The following NDFIP1 variants were observed in gnomAD, a reference collection of about 807,000 sequenced individuals.
NDFIP1 encodes Nedd4 family interacting protein 1.
A neutral mutation model predicts 28.8 loss-of-function variants in NDFIP1; 7 were observed. The ratio of observed to expected loss-of-function variants is 0.24; its 90% CI spans 0.14 to 0.46. The LOEUF (loss-of-function observed/expected upper bound fraction) is 0.46. NDFIP1 is among the 20% of genes least tolerant of loss of function. The probability of loss-of-function intolerance (pLI) is 0.99; values close to 1 mark genes in which losing one functional copy is unlikely to be tolerated. For synonymous variants in NDFIP1, 92 were observed against 101.0 expected, an observed-to-expected ratio of 0.91 and a Z score of 0.53; for missense variants, 194 against 269.1, an observed-to-expected ratio of 0.72 and a Z score of 1.95.
In NDFIP1 at chr5:142,153,549, C is replaced by G. The variant is rs1757469111; in HGVS notation, c.*1821C>G. 1 of 281,502 alleles carries G rather than the reference C, an allele frequency of 3.6e-6. No homozygotes were observed. Among genetic ancestry groups the G allele is most frequent in the Admixed American group, 4.1e-5 (1 of 24,148 alleles). The allele number at this position is 281,502 out of a possible 1,614,324, so 17.4% of individuals were successfully genotyped here. A position where few individuals can be genotyped will look rare whatever the true frequency, so the allele number is the denominator to read the frequency against. On this transcript the variant is annotated 3_prime_UTR_variant, in exon 8 of 8. Transcript: ENST00000253814. Reference sequence around the variant, plus strand: ...ATTATGAATAATAGTGTAGTGTGTTCTTTTTCAGAAGTTATATTTGATAAT... The same window carrying G: ...ATTATGAATAATAGTGTAGTGTGTTGTTTTTCAGAAGTTATATTTGATAAT...
intron 7 of NDFIP1, among the ~76,000 whole-genome samples, chr5:142,150,713 CTT>C (rs1396877835): frequency 8.5e-6 from 1 of 117,146 alleles, no homozygotes; most frequent in Non-Finnish European, 1.7e-5. Context: ...GTGACAGACT[CTT>C]GTCTCCAAAA....
At chr5:142,147,389 C>T (rs1329387931) in intron 7 of NDFIP1, among the ~76,000 whole-genome samples, 3 of 152,144 alleles carry the variant, frequency 2.0e-5, no homozygotes, top group Non-Finnish European at 2.9e-5. Flanking sequence ...AGAAGACATA[C>T]TAGAAAACCG....
chr5:142,117,292 G>A (rs1403615118), intron 1 of NDFIP1, among the ~76,000 whole-genome samples: 1 of 149,158 alleles, frequency 6.7e-6, no homozygotes, highest in African/African-American at 2.5e-5. Context: ...TCGCCAGGCT[G>A]GAGTGCAGTG....
chr5:142,142,938 AAAATATATATAT>A (rs1389103203), intron 6 of NDFIP1: 1 of 81,352 alleles, frequency 1.2e-5, no homozygotes, highest in East Asian at 5.0e-4. Context: ...AAAAAAAAAA[AAAATATATATAT>A]ATATATATAT....
At chr5:142,113,529 G>A (rs759912319) in intron 1 of NDFIP1, among the ~76,000 whole-genome samples, 6 of 151,988 alleles carry the variant, frequency 3.9e-5, no homozygotes, top group Non-Finnish European at 7.4e-5. Context: ...TAGGAAGATG[G>A]GTAAATTATT....
rs766867200 is a variant in NDFIP1, at chr5:142,137,872, C to T, written c.495+14C>T. 21 of 1,612,538 alleles carry T rather than the reference C, an allele frequency of 1.3e-5. No homozygotes were observed. The highest frequency in any genetic ancestry group is 1.7e-4 in the Middle Eastern group (1 of 6,056). On this transcript the variant is annotated intron_variant, in intron 5 of 7. Coordinates refer to ENST00000253814, the MANE Select transcript of NDFIP1 (RefSeq NM_030571.4). ...CTGATTGTCAGGGTAAGTTGTATAA[C>T]AGAAAAGATGGGCTCTACAGAGAGG...
chr5:142,135,445 ATTG>A (rs1757263750), intron 3 of NDFIP1, among the ~76,000 whole-genome samples: 2 of 152,102 alleles, frequency 1.3e-5, no homozygotes, highest in African/African-American at 4.8e-5. Flanking sequence ...CTTGAAGTGT[ATTG>A]TTTTTGAAGT....
chr5:142,150,621 G>A (rs909210259), intron 7 of NDFIP1, among the ~76,000 whole-genome samples: 1 of 151,844 alleles, frequency 6.6e-6, no homozygotes, highest in Non-Finnish European at 1.5e-5. Flanking sequence ...AGTCACTTGC[G>A]GGGCTGAGGC....
chr5:142,136,856 A>G (rs1420623700), intron 4 of NDFIP1, among the ~76,000 whole-genome samples: 1 of 151,308 alleles, frequency 6.6e-6, no homozygotes, highest in Non-Finnish European at 1.5e-5. Context: ...ACCTGGGGCT[A>G]GAGGTTCAAG....
chr5:142,117,247 CTTTT>C (rs11346871), intron 1 of NDFIP1, among the ~76,000 whole-genome samples: 3 of 134,388 alleles, frequency 2.2e-5, no homozygotes, highest in African/African-American at 5.7e-5. Context: ...TCTTTTTTTG[CTTTT>C]TTTTTTTTTT....
At chr5:142,137,543 G>A (rs944726057) in intron 4 of NDFIP1, among the ~76,000 whole-genome samples, 191 bp from the exon 5 acceptor site, 1 of 152,028 alleles carries the variant, frequency 6.6e-6, no homozygotes, top group Admixed American at 6.5e-5. Context: ...CTGATAGGGA[G>A]GAGTTTTTCT....
intron 1 of NDFIP1, among the ~76,000 whole-genome samples, chr5:142,110,617 GA>G (rs958044770): frequency 4.0e-5 from 6 of 151,780 alleles, no homozygotes; most frequent in South Asian, 2.1e-4. Flanking sequence ...AAAAAAAAGA[GA>G]AAAAAATCTT....
intron 4 of NDFIP1, among the ~76,000 whole-genome samples, chr5:142,137,084 A>G (rs1484591721): frequency 6.6e-6 from 1 of 151,834 alleles, no homozygotes; most frequent in Non-Finnish European, 1.5e-5. Flanking sequence ...AAAAAAAAAA[A>G]AAAAAAAAGC....
intron 7 of NDFIP1, 88 bp downstream of exon 7, chr5:142,144,764 T>C (rs905019648): frequency 5.4e-6 from 4 of 741,734 alleles, no homozygotes; most frequent in African/African-American, 3.6e-5. Context: ...GTATCTGTGA[T>C]AGGGGCATAT....
At chr5:142,138,113 G>A (rs556704280) in intron 5 of NDFIP1, 11 of 312,072 alleles carry the variant, frequency 3.5e-5, no homozygotes, top group African/African-American at 1.9e-4. Flanking sequence ...TGTTTTTAAT[G>A]TTTATAATAT....
chr5:142,109,572 C>G (rs1756990406), intron 1 of NDFIP1, among the ~76,000 whole-genome samples: 2 of 152,126 alleles, frequency 1.3e-5, no homozygotes, highest in Non-Finnish European at 2.9e-5. Flanking sequence ...AAGCAAGAGA[C>G]AAGCCCGCAG....
intron 7 of NDFIP1, 27 bp downstream of exon 7, chr5:142,144,703 C>G (rs1757370660): frequency 7.3e-7 from 1 of 1,362,976 alleles, no homozygotes; most frequent in Non-Finnish European, 1.0e-6. Context: ...TTATTCTAGT[C>G]CCAGTGTAAC....
At position 142,150,197 on chromosome 5, in the gene NDFIP1, AAAATAT is replaced by A. The variant is rs756528159; in HGVS notation, c.*3-1532_*3-1527del. 1.3e-3 allele frequency among the ~76,000 whole-genome samples: 58 copies of A among 45,108 alleles called. 1 individual carries two copies. Among genetic ancestry groups the A allele is most frequent in the African/African-American group, 6.9e-3 (54 of 7,802 alleles). The allele number at this position is 45,108 out of a possible 152,430, so 29.6% of individuals were successfully genotyped here. On this transcript the variant is annotated intron_variant, in intron 7 of 7. Transcript: ENST00000253814. ...CTCCGTCTCAAAAAAAAAAAAAAAA[AAAATAT>A]ATAGAAACTGATAAAACAAATTATT...
chr5:142,134,320 A>G (rs967933001), intron 3 of NDFIP1, among the ~76,000 whole-genome samples: 2 of 152,240 alleles, frequency 1.3e-5, no homozygotes, highest in Non-Finnish European at 2.9e-5. Context: ...TTACTTCCAT[A>G]TATTTTTTGG....
Sources: allele counts gnomAD v4.1 joint callset (sites outside exome capture counted in the v4.1 genomes callset), GRCh38; gene constraint gnomAD v4.1.1; transcripts MANE v1.5; gene names NCBI Gene and HGNC (gene_info 2026-07-23, HGNC 2026-07-21).